Variants in NEK1 observed in about 807,000 individuals in gnomAD.
NEK1 encodes the protein serine/threonine-protein kinase Nek1.
In NEK1, 137 loss-of-function variants were observed where a neutral mutation model predicts 182.1. The observed-to-expected ratio is 0.75, with a 90% CI of 0.65 to 0.87. The LOEUF is 0.87. Ranked by LOEUF, NEK1 falls within the 40% of genes least tolerant of loss-of-function variation. The pLI is 0.00. For synonymous variants in NEK1, 513 were observed against 492.2 expected (o/e 1.04, Z -0.56); for missense variants, 1,391 against 1,494.4 (o/e 0.93, Z 1.14).
At chr4:169,468,585 A>G (rs1291739838) in intron 26 of NEK1, among the ~76,000 whole-genome samples, 2 of 152,108 alleles carry the variant, frequency 1.3e-5, no homozygotes, top group Non-Finnish European at 2.9e-5. Context: ...GCATGAAACA[A>G]TGACAAACCA....
intron 23 of NEK1, among the ~76,000 whole-genome samples, chr4:169,495,239 C>CTT (rs774183115): frequency 0.14 from 14,316 of 104,964 alleles, 1,503 homozygotes; most frequent in Non-Finnish European, 0.21. Context: ...ACATTTAAGT[C>CTT]TTTTTTTTTT....
chr4:169,412,205 G>T (rs1733794986), intron 31 of NEK1, among the ~76,000 whole-genome samples: 1 of 152,110 alleles, frequency 6.6e-6, no homozygotes, highest in Non-Finnish European at 1.5e-5. Flanking sequence ...GAATTTGTGG[G>T]CAACTCCACA....
chr4:169,465,436 G>A (rs113640710), intron 26 of NEK1, among the ~76,000 whole-genome samples: 5 of 152,082 alleles, frequency 3.3e-5, no homozygotes, highest in Non-Finnish European at 7.4e-5. Context: ...AAAGTGGCTA[G>A]TGTTTGCAAG....
At chr4:169,457,029 A>T (rs910133045) in intron 27 of NEK1, among the ~76,000 whole-genome samples, 1 of 152,162 alleles carries the variant, frequency 6.6e-6, no homozygotes, top group African/African-American at 2.4e-5. Flanking sequence ...ATGGTGATAA[A>T]GAGAGCAGAA....
chr4:169,518,384 A>G (rs1485067115), intron 19 of NEK1, among the ~76,000 whole-genome samples: 1 of 134,576 alleles, frequency 7.4e-6, no homozygotes, highest in Non-Finnish European at 1.5e-5. Flanking sequence ...TGTCTATTTG[A>G]TTCTTCTCTC....
intron 5 of NEK1, among the ~76,000 whole-genome samples, chr4:169,598,736 T>C (rs1481131836): frequency 1.3e-5 from 2 of 152,190 alleles, no homozygotes; most frequent in African/African-American, 4.8e-5. Flanking sequence ...GGTGCAAGGC[T>C]TCTAGAGCTG....
intron 23 of NEK1, among the ~76,000 whole-genome samples, chr4:169,500,258 A>G (rs1359372667): frequency 2.0e-5 from 3 of 152,180 alleles, no homozygotes; most frequent in Non-Finnish European, 4.4e-5. Flanking sequence ...AAATCGCAGT[A>G]TTAGGGTGGG....
Position 169,477,692 on chromosome 4 carries a change from T to C in NEK1, c.2140-195A>G, listed in dbSNP as rs6857243. On this transcript the variant is annotated intron_variant, in intron 24 of 35. Coordinates refer to ENST00000507142, the MANE Select transcript of NEK1 (RefSeq NM_001199397.3). Reference sequence around the variant, plus strand: ...TTTAAATATTATTAATTAGACAACATAGACAGGGGCCAATTCTCAATTATT... The same window carrying C: ...TTTAAATATTATTAATTAGACAACACAGACAGGGGCCAATTCTCAATTATT... Among the ~76,000 whole-genome samples the C allele has an allele frequency of 0.47, 71,647 of 151,746 alleles. 19,508 individuals are homozygous for C. Among genetic ancestry groups the C allele is most frequent in the East Asian group, 0.76 (3,940 of 5,174 alleles).
At chr4:169,590,321 T>TAGACAGACAGACAGAC (rs11270666) in intron 6 of NEK1, among the ~76,000 whole-genome samples, 2,134 of 151,030 alleles carry the variant, frequency 0.014, 51 homozygotes, top group African/African-American at 0.049. Flanking sequence ...AAACAATAGA[T>TAGACAGACAGACAGAC]AGACAGACAG....
intron 16 of NEK1, among the ~76,000 whole-genome samples, chr4:169,559,866 G>C (rs1190299329): frequency 6.6e-6 from 1 of 152,076 alleles, no homozygotes; most frequent in Non-Finnish European, 1.5e-5. Flanking sequence ...AAAATTAGCT[G>C]GGCGTGGTGG....
intron 31 of NEK1, among the ~76,000 whole-genome samples, chr4:169,413,710 G>A (rs1467987992): frequency 2.0e-5 from 3 of 152,062 alleles, no homozygotes; most frequent in Non-Finnish European, 4.4e-5. Context: ...TTCCTCATCC[G>A]TAAAATGGAG....
intron 28 of NEK1, among the ~76,000 whole-genome samples, chr4:169,437,733 T>TG (rs1738691285): frequency 6.6e-6 from 1 of 152,166 alleles, no homozygotes; most frequent in Non-Finnish European, 1.5e-5. Context: ...AAGATAGCAG[T>TG]GAAGCTTTTT....
At chr4:169,594,566 A>T (rs1295372147) in intron 5 of NEK1, among the ~76,000 whole-genome samples, 1 of 152,196 alleles carries the variant, frequency 6.6e-6, no homozygotes, top group Non-Finnish European at 1.5e-5. Context: ...TTTTTTGAAC[A>T]AAAGTTCCTC....
At chr4:169,591,691 T>C (rs1768537228) in intron 5 of NEK1, among the ~76,000 whole-genome samples, 1 of 151,552 alleles carries the variant, frequency 6.6e-6, no homozygotes, top group Non-Finnish European at 1.5e-5. Context: ...AAAAAAATAA[T>C]AAAAGAAAAC....
Position 169,507,082 on chromosome 4 carries a change from C to G in NEK1, c.1962G>C (p.Lys654Asn). 1 of 1,608,408 alleles carries G rather than the reference C, an allele frequency of 6.2e-7. No homozygotes were observed. Among genetic ancestry groups the G allele is most frequent in the Non-Finnish European group, 8.5e-7 (1 of 1,177,510 alleles). The change falls in exon 23 of 36, where the codon AAG becomes AAC. Residue 654 changes from lysine to asparagine, a missense_variant. Transcript: ENST00000507142. ...TTTCTCTCTCATAAGCCTCCTTTCTCTTTCGTTCTAGTTGTTCTTTTAGTA... is the reference window on the plus strand; with the variant it reads ...TTTCTCTCTCATAAGCCTCCTTTCTGTTTCGTTCTAGTTGTTCTTTTAGTA... ...AAVLKEQLERKRKEAYEREKK... is the reference protein window; with the variant it reads ...AAVLKEQLERNRKEAYEREKK...
chr4:169,568,630 T>C (rs1764105008), intron 12 of NEK1, among the ~76,000 whole-genome samples: 1 of 152,038 alleles, frequency 6.6e-6, no homozygotes, highest in Non-Finnish European at 1.5e-5. Context: ...ATACGGGCAA[T>C]ATATATTTGA....
intron 26 of NEK1, among the ~76,000 whole-genome samples, chr4:169,469,783 T>A (rs1745585023): frequency 6.6e-6 from 1 of 152,178 alleles, no homozygotes; most frequent in African/African-American, 2.4e-5. Context: ...AAGAACTTGC[T>A]TTATGAATCT....
At chr4:169,572,994 T>C (rs1367189163) in intron 12 of NEK1, among the ~76,000 whole-genome samples, 1 of 152,148 alleles carries the variant, frequency 6.6e-6, no homozygotes, top group Non-Finnish European at 1.5e-5. Flanking sequence ...TGGAAGGACA[T>C]AAGGGAAAGT....
intron 4 of NEK1, among the ~76,000 whole-genome samples, chr4:169,600,685 T>A (rs1430728400): frequency 6.6e-6 from 1 of 152,160 alleles, no homozygotes; most frequent in Non-Finnish European, 1.5e-5. Flanking sequence ...TGTGAGAAAT[T>A]ATAATGTGAA....
Sources: allele counts gnomAD v4.1 joint callset (sites outside exome capture counted in the v4.1 genomes callset), GRCh38; gene constraint gnomAD v4.1.1; transcripts MANE v1.5; gene names NCBI Gene and HGNC (gene_info 2026-07-23, HGNC 2026-07-21).